Variants in ASXL1 observed in about 807,000 individuals in gnomAD.
ASXL1 encodes the protein polycomb group protein ASXL1.
ASXL1 carries 65 observed loss-of-function variants against 89.1 expected under a neutral mutation model. The ratio of observed to expected loss-of-function variants is 0.73; its 90% CI spans 0.60 to 0.90. The LOEUF is 0.90. Among genes scored for constraint, ASXL1 ranks in the 40% least tolerant of loss-of-function variants. ASXL1 has a pLI of 0.00. For missense variants in ASXL1, 1,786 were observed against 1,942.9 expected, an observed-to-expected ratio of 0.92 and a Z score of 1.52; for synonymous variants, 739 against 746.9, an observed-to-expected ratio of 0.99 and a Z score of 0.17.
Position 32,429,233 on chromosome 20 carries a change from C to G in ASXL1, c.472-105C>G. 13 of 1,160,534 alleles carry G rather than the reference C, an allele frequency of 1.1e-5. No individual in the cohort carries two copies. The highest frequency in any genetic ancestry group is 1.6e-5 in the Non-Finnish European group (13 of 791,038). 71.9% of individuals were successfully genotyped at this position (1,160,534 alleles called of 1,614,324 possible). On this transcript the variant is annotated intron_variant, in intron 6 of 12. Transcript: ENST00000375687. The surrounding 1 kb of genome is among the most constrained non-coding windows in gnomAD (Gnocchi z 4.9). ...ATTATTTGACAGATCTGGTTGAAGA[C>G]GAACTTCATTTTACAAGAGCGTGAG... is the stretch of plus-strand genomic sequence containing the variant.
chr20:32,401,550 T>C (rs1288055292), intron 4 of ASXL1, among the ~76,000 whole-genome samples: 42 of 129,976 alleles, frequency 3.2e-4, no homozygotes, highest in Middle Eastern at 3.8e-3. Flanking sequence ...GTGTGTTTTT[T>C]CCCCCCCCCC....
chr20:32,368,190 A>G (rs1328868560), intron 3 of ASXL1, among the ~76,000 whole-genome samples: 1 of 152,162 alleles, frequency 6.6e-6, no homozygotes, highest in Non-Finnish European at 1.5e-5. Flanking sequence ...GACTCCTAGC[A>G]CTAATATGCT....
In ASXL1 at chr20:32,435,520, C is replaced by T. The variant is rs894754780; in HGVS notation, c.2808C>T (p.Thr936=). Residue 936 remains threonine, a synonymous_variant, in exon 13 of 13, where the codon ACC becomes ACT. Transcript: ENST00000375687. ...VGEEWEKAAP[T]PPALPGDLTA... ...AGGAGTGGGAGAAAGCTGCTCCCACCCCTCCTGCATTGCCTGGGGATTTGA... is the reference window on the plus strand; with the variant it reads ...AGGAGTGGGAGAAAGCTGCTCCCACTCCTCCTGCATTGCCTGGGGATTTGA... 3 of 1,613,868 alleles carry T rather than the reference C, an allele frequency of 1.9e-6. No homozygotes were observed. In the African/African-American group the frequency reaches 4.0e-5, roughly 22 times the overall value.
intron 4 of ASXL1, among the ~76,000 whole-genome samples, chr20:32,387,151 C>A (rs2048593626): frequency 6.6e-6 from 1 of 151,690 alleles, no homozygotes; most frequent in Non-Finnish European, 1.5e-5. Flanking sequence ...AACAAAAAAA[C>A]AAAAATTAAC....
intron 4 of ASXL1, among the ~76,000 whole-genome samples, chr20:32,416,902 T>TAA (rs978122711): frequency 1.3e-5 from 2 of 152,234 alleles, no homozygotes; most frequent in Admixed American, 1.3e-4. Context: ...GTTTTATGCT[T>TAA]AAAAAGTCTG....
chr20:32,422,580 A>AT (rs11167168), intron 4 of ASXL1, among the ~76,000 whole-genome samples: 1,554 of 108,016 alleles, frequency 0.014, 38 homozygotes, highest in African/African-American at 0.049. Flanking sequence ...GGATTGGTTA[A>AT]TTTTTTTTTT....
In ASXL1 at chr20:32,358,904, G is replaced by T. The variant is rs557072958; in HGVS notation, c.57+72G>T. On this transcript the variant is annotated intron_variant, in intron 1 of 12. Transcript: ENST00000375687. The stretch of plus-strand genomic sequence containing the variant: ...GGGCTCGCCGCGCACCCCCCCACTG[G>T]GGGGGGAGGGGCAAGGCCCTGCCCA... The T allele has an allele frequency of 1.9e-4, 267 of 1,389,638 alleles. No homozygotes were observed. The African/African-American group carries it at 3.1e-3, about 16-fold the overall frequency. The allele number at this position is 1,389,638 out of a possible 1,614,324, so 86.1% of individuals were successfully genotyped here.
chr20:32,388,347 G>C (rs571944116), intron 4 of ASXL1, among the ~76,000 whole-genome samples: 7 of 151,996 alleles, frequency 4.6e-5, no homozygotes, highest in Admixed American at 4.6e-4. Flanking sequence ...GCTAATTTTT[G>C]TATTTTTTAG....
In ASXL1 at chr20:32,437,002, C is replaced by G. The variant is rs745543812; in HGVS notation, c.4290C>G (p.Leu1430=). 1 of 1,614,074 alleles carries G rather than the reference C, an allele frequency of 6.2e-7. No individual in the cohort carries two copies. The highest frequency in any genetic ancestry group is 8.5e-7 in the Non-Finnish European group (1 of 1,180,024). The change falls in exon 13 of 13, where the codon CTC becomes CTG. Residue 1430 remains leucine, a synonymous_variant. Transcript: ENST00000375687. ...GTGAGCCTCTGGAGCCTTCTTCTCT[C>G]CCCTCCCAACTCAGCATCAAGCAGG... The part of the protein sequence containing the change: ...GLSEPLEPSS[L]PSQLSIKQAF...
In ASXL1 at chr20:32,366,437, C is replaced by T. The variant is rs2048205685; in HGVS notation, c.111C>T (p.Val37=). ...TGACACCAAAACAGATTCTGCAGGT[C>T]ATAGAGGCAGAAGGACTAAAGGAAA... ...APMTPKQILQ[V]IEAEGLKEMR... The change falls in exon 2 of 13, where the codon GTC becomes GTT. Residue 37 remains valine (V), a synonymous_variant. Coordinates refer to ENST00000375687, the MANE Select transcript of ASXL1 (RefSeq NM_015338.6). 6.2e-7 allele frequency: 1 copy of T among 1,613,816 alleles called. No homozygotes were observed. The highest frequency in any genetic ancestry group is 8.5e-7 in the Non-Finnish European group (1 of 1,179,846).
intron 3 of ASXL1, among the ~76,000 whole-genome samples, chr20:32,368,498 A>T (rs913222373): frequency 6.6e-6 from 1 of 152,226 alleles, no homozygotes; most frequent in Non-Finnish European, 1.5e-5. Flanking sequence ...AACAAATGAA[A>T]TACTGTTCTT....
chr20:32,389,655 G>A (rs1390908671), intron 4 of ASXL1, among the ~76,000 whole-genome samples: 1 of 151,972 alleles, frequency 6.6e-6, no homozygotes, highest in Non-Finnish European at 1.5e-5. Context: ...GCACAATCTC[G>A]GCTCACTGCA....
rs190364305 is a variant in ASXL1, at chr20:32,410,069, C to G, written c.253-18059C>G. On this transcript the variant is annotated intron_variant, in intron 4 of 12. Coordinates refer to ENST00000375687, the MANE Select transcript of ASXL1 (RefSeq NM_015338.6). ...CCTCAGTACATTTTATCAGGAGACA[C>G]GATACCTGTTTGTCTGATTTCTGAT... 7.9e-5 allele frequency among the ~76,000 whole-genome samples: 12 copies of G among 152,226 alleles called. 1 individual carries two copies. The highest frequency in any genetic ancestry group is 5.9e-5 in the Non-Finnish European group (4 of 68,014).
At chr20:32,376,784 T>C (rs2048385429) in intron 4 of ASXL1, among the ~76,000 whole-genome samples, 1 of 144,254 alleles carries the variant, frequency 6.9e-6, no homozygotes, top group Non-Finnish European at 1.5e-5. Flanking sequence ...TATTATATAT[T>C]ATATATCTAT....
At chr20:32,363,652 A>G (rs979150006) in intron 1 of ASXL1, among the ~76,000 whole-genome samples, 3 of 152,226 alleles carry the variant, frequency 2.0e-5, no homozygotes, top group Non-Finnish European at 4.4e-5. Context: ...GGAACATTGA[A>G]AAGAGACATT....
At position 32,436,091 on chromosome 20, in the gene ASXL1, G is replaced by A. The variant is rs201009558; in HGVS notation, c.3379G>A (p.Asp1127Asn). Residue 1127 changes from aspartate to asparagine, a missense_variant, in exon 13 of 13, where the codon GAT (aspartate) becomes AAT (asparagine). By Grantham distance (23) the Asp-to-Asn change is conservative. Transcript: ENST00000375687. ...AGAGAAGGTTCTTCCACCAGCCCAC[G>A]ATGACAGCATGTCAGAATCCCCACA... ...PLEKVLPPAH[D>N]DSMSESPQVP... 2.5e-4 allele frequency: 407 copies of A among 1,614,174 alleles called. No homozygotes were observed. Among genetic ancestry groups the A allele is most frequent in the Non-Finnish European group, 3.3e-4 (386 of 1,180,044 alleles).
Position 32,429,084 on chromosome 20 carries a change from T to C in ASXL1, c.472-254T>C. 2.0e-6 allele frequency: 1 copy of C among 497,900 alleles called. No homozygotes were observed. Among genetic ancestry groups the C allele is most frequent in the Non-Finnish European group, 3.7e-6 (1 of 272,008 alleles). 30.8% of individuals were successfully genotyped at this position (497,900 alleles called of 1,614,324 possible). A position where few individuals can be genotyped will look rare whatever the true frequency, so the allele number is the denominator to read the frequency against. ...ATGATAACCCTGCACTTACTAGCCT[T>C]GAGACTTGGGGAAAATTCCTTACCT... is the stretch of plus-strand genomic sequence containing the variant. On this transcript the variant is annotated intron_variant, in intron 6 of 12. Transcript: ENST00000375687. The surrounding 1 kb of genome is among the most constrained non-coding windows in gnomAD (Gnocchi z 4.9).
At chr20:32,378,003 T>TGTGTGTGTGTGTGTGTG (rs56248414) in intron 4 of ASXL1, among the ~76,000 whole-genome samples, 205 of 144,590 alleles carry the variant, frequency 1.4e-3, no homozygotes, top group Non-Finnish European at 2.0e-3. Flanking sequence ...TGTGTGTGTG[T>TGTGTGTGTGTGTGTGTG]TTTGGAGACA....
intron 4 of ASXL1, among the ~76,000 whole-genome samples, chr20:32,411,256 T>C (rs915794333): frequency 2.4e-5 from 3 of 125,116 alleles, no homozygotes; most frequent in African/African-American, 8.8e-5. Flanking sequence ...TGGAGTCTCA[T>C]GCGCTCTGTC....
Sources: allele counts gnomAD v4.1 joint callset (sites outside exome capture counted in the v4.1 genomes callset), GRCh38; gene constraint gnomAD v4.1.1; non-coding constraint Gnocchi (gnomAD v3.1); transcripts MANE v1.5; gene names NCBI Gene and HGNC (gene_info 2026-07-23, HGNC 2026-07-21).